Variants in AFF3 observed in about 807,000 individuals in gnomAD.
The protein encoded by AFF3 is AF4/FMR2 family member 3.
A neutral mutation model predicts 129.7 loss-of-function variants in AFF3; 32 were observed. That is an observed-to-expected ratio of 0.25 (90% CI 0.19 to 0.33). The LOEUF (loss-of-function observed/expected upper bound fraction) is 0.33. Among genes scored for constraint, AFF3 ranks in the 10% least tolerant of loss-of-function variants. The pLI is 1.00. For missense variants in AFF3, 1,373 were observed against 1,592.0 expected (o/e 0.86, Z 2.34); for synonymous variants, 644 against 635.4 (o/e 1.01, Z -0.20).
chr2:100,019,529 A>G (rs1418981578), intron 4 of AFF3, among the ~76,000 whole-genome samples: 1 of 152,230 alleles, frequency 6.6e-6, no homozygotes, highest in Non-Finnish European at 1.5e-5. Context: ...AAGCTCACTA[A>G]TGTACCTGAG....
At chr2:99,704,792 C>T (rs750653323) in intron 11 of AFF3, among the ~76,000 whole-genome samples, 4 of 152,192 alleles carry the variant, frequency 2.6e-5, no homozygotes, top group Non-Finnish European at 4.4e-5. Context: ...CACCCTCATT[C>T]ATGACCAGGG....
At chr2:99,585,280 A>G (rs994574897) in intron 16 of AFF3, among the ~76,000 whole-genome samples, 2 of 152,226 alleles carry the variant, frequency 1.3e-5, no homozygotes, top group African/African-American at 2.4e-5. Context: ...CCTGTTTTTC[A>G]TCACTGCAAG....
At chr2:99,565,365 G>C (rs973409138) in intron 20 of AFF3, 122 bp downstream of exon 20, 2 of 1,391,656 alleles carry the variant, frequency 1.4e-6, no homozygotes, top group Admixed American at 3.9e-5. Context: ...TCTTATTTTG[G>C]GGGGATGAAC....
chr2:99,561,415 C>T (rs1181438775), intron 20 of AFF3, among the ~76,000 whole-genome samples: 1 of 152,182 alleles, frequency 6.6e-6, no homozygotes, highest in Non-Finnish European at 1.5e-5. Flanking sequence ...TTACAATATA[C>T]ATGTAATTTA....
intron 11 of AFF3, among the ~76,000 whole-genome samples, chr2:99,699,141 A>C (rs1676587416): frequency 6.6e-6 from 1 of 152,226 alleles, no homozygotes; most frequent in African/African-American, 2.4e-5. Context: ...TAACAGTTAT[A>C]TAATATAAAG....
intron 8 of AFF3, among the ~76,000 whole-genome samples, chr2:99,778,789 T>C (rs894904001): frequency 2.6e-5 from 4 of 152,156 alleles, no homozygotes; most frequent in Admixed American, 2.0e-4. Context: ...TGCTCATTGC[T>C]AGTGTATAGA....
chr2:99,888,229 T>C (rs984385150), intron 7 of AFF3, among the ~76,000 whole-genome samples: 2 of 152,062 alleles, frequency 1.3e-5, no homozygotes, highest in African/African-American at 2.4e-5. Context: ...TGAGAACAAA[T>C]GAAGAGAGCA....
intron 8 of AFF3, among the ~76,000 whole-genome samples, chr2:99,823,393 A>G (rs1481241421): frequency 2.0e-5 from 3 of 152,146 alleles, no homozygotes; most frequent in Non-Finnish European, 4.4e-5. Context: ...GTATTAATAA[A>G]TGTGCAGAAA....
At position 99,595,893 on chromosome 2, in the gene AFF3, C is replaced by T. The variant is rs116461406; in HGVS notation, c.1372-1604G>A. ...GACCATGGACATCTTGCTGGTTGCC[C>T]CAAACCAGATGGGACCAACTGCCCT... On this transcript the variant is annotated intron_variant, in intron 14 of 24. Transcript: ENST00000672756. Among the ~76,000 whole-genome samples, 929 of 152,270 alleles carry T rather than the reference C, an allele frequency of 6.1e-3. 9 individuals carry two copies. Among genetic ancestry groups the T allele is most frequent in the African/African-American group, 0.021 (887 of 41,542 alleles).
At chr2:100,132,558 G>A (rs1692465650) in intron 1 of AFF3, among the ~76,000 whole-genome samples, 1 of 152,112 alleles carries the variant, frequency 6.6e-6, no homozygotes, top group African/African-American at 2.4e-5. Context: ...GAAAAACAAA[G>A]GGTGCGGTAT....
At chr2:100,137,124 G>A (rs552407450) in intron 1 of AFF3, among the ~76,000 whole-genome samples, 69 of 152,136 alleles carry the variant, frequency 4.5e-4, no homozygotes, top group African/African-American at 1.6e-3. Flanking sequence ...TTTTCACCGC[G>A]TGGGATCCCA....
In AFF3 at chr2:99,776,147, C is replaced by T. The variant is rs188988208; in HGVS notation, c.922-23846G>A. Among the ~76,000 whole-genome samples, 149 of 152,002 alleles carry T rather than the reference C, an allele frequency of 9.8e-4. 1 individual carries two copies. Among genetic ancestry groups the T allele is most frequent in the African/African-American group, 3.5e-3 (146 of 41,492 alleles). On this transcript the variant is annotated intron_variant, in intron 8 of 24. Transcript: ENST00000672756. ...CTCTCAAAGGGGTTTCAAATGGCAT[C>T]GGGGGAAAAAAGGAATGCACTTGAT...
chr2:99,698,210 T>A (rs567470047), intron 11 of AFF3, among the ~76,000 whole-genome samples: 1 of 152,126 alleles, frequency 6.6e-6, no homozygotes, highest in Non-Finnish European at 1.5e-5. Flanking sequence ...GCTTTTGGAG[T>A]ACTGTTTTAG....
rs533824042 is a variant in AFF3 at position 99,550,850 on chromosome 2, A to G, written c.*624T>C. On this transcript the variant is annotated 3_prime_UTR_variant, in exon 25 of 25. Transcript: ENST00000672756. ...GATGGGGGAAGGGAATTAGAGGAAG[A>G]GCAGGGTATTTGGTAACATGCAATC... 3 of 238,844 alleles carry G rather than the reference A, an allele frequency of 1.3e-5. No homozygotes were observed. Among genetic ancestry groups the G allele is most frequent in the Non-Finnish European group, 2.5e-5 (3 of 121,866 alleles). 14.8% of individuals were successfully genotyped at this position (238,844 alleles called of 1,614,324 possible).
chr2:99,964,964 T>C lies in AFF3; in HGVS notation c.873+41668A>G, dbSNP rs79546305. Among the ~76,000 whole-genome samples the C allele has an allele frequency of 5.6e-3, 846 of 152,336 alleles. 29 individuals are homozygous for C. In the East Asian group the frequency reaches 0.087, roughly 16 times the overall value. ...ATGATCTCAACAATTAAAGCACCTG[T>C]GGATGCTGACTATAATTCAACTCAG... On this transcript the variant is annotated intron_variant, in intron 7 of 24. Transcript: ENST00000672756.
intron 4 of AFF3, among the ~76,000 whole-genome samples, chr2:100,059,253 C>T (rs1262833890): frequency 1.4e-4 from 3 of 21,560 alleles, no homozygotes; most frequent in Non-Finnish European, 1.6e-4. Context: ...GACTCTGTCT[C>T]CAAAAAAAAA....
intron 18 of AFF3, among the ~76,000 whole-genome samples, chr2:99,574,538 G>GA (rs895712386): frequency 7.7e-4 from 114 of 148,982 alleles, no homozygotes; most frequent in Middle Eastern, 3.4e-3. Context: ...TATAGTCATA[G>GA]AAAAAAAAAA....
At chr2:99,738,881 T>G (rs1680473174) in intron 10 of AFF3, among the ~76,000 whole-genome samples, 1 of 152,114 alleles carries the variant, frequency 6.6e-6, no homozygotes, top group African/African-American at 2.4e-5. Context: ...GAATTTTTGT[T>G]TATTTCCCTT....
At chr2:99,959,831 C>A (rs114745777) in intron 7 of AFF3, among the ~76,000 whole-genome samples, 1,967 of 151,732 alleles carry the variant, frequency 0.013, 53 homozygotes, top group African/African-American at 0.045. Flanking sequence ...ATATGTTCCC[C>A]ATTTTAACCC....
Sources: gnomAD v4.1 joint callset for allele counts (sites outside exome capture counted in the v4.1 genomes callset) on GRCh38, gnomAD v4.1.1 for gene constraint, MANE v1.5 for transcripts, NCBI Gene and HGNC (gene_info 2026-07-23, HGNC 2026-07-21) for gene names.